TBC1D5: variants seen among roughly 807,000 people sequenced by gnomAD.
TBC1D5 encodes the protein TBC1 domain family, member 5.
A neutral mutation model predicts 100.3 loss-of-function variants in TBC1D5; 75 were observed. That is an observed-to-expected ratio of 0.75 (90% CI 0.62 to 0.91). TBC1D5 has a LOEUF of 0.91. Among genes scored for constraint, TBC1D5 ranks in the 40% least tolerant of loss-of-function variants. TBC1D5 has a pLI of 0.00. For synonymous variants in TBC1D5, 323 were observed against 325.6 expected (o/e 0.99, Z 0.09); for missense variants, 910 against 942.4 (o/e 0.97, Z 0.45).
At chr3:17,389,095 CTTTT>C (rs1222077527) in intron 8 of TBC1D5, among the ~76,000 whole-genome samples, 1 of 152,046 alleles carries the variant, frequency 6.6e-6, no homozygotes. Flanking sequence ...TCCTTCTTCT[CTTTT>C]TTATCTTGTA....
At chr3:17,299,203 G>A (rs970889902) in intron 14 of TBC1D5, among the ~76,000 whole-genome samples, 2 of 152,168 alleles carry the variant, frequency 1.3e-5, no homozygotes, top group African/African-American at 4.8e-5. Context: ...GTGGCTAAAT[G>A]GGCAGGCAGC....
intron 2 of TBC1D5, among the ~76,000 whole-genome samples, chr3:17,512,763 TA>T (rs2095928266): frequency 6.6e-6 from 1 of 152,232 alleles, no homozygotes. Context: ...AAGTCGTAAC[TA>T]ATTTTACAAT....
chr3:17,197,873 C>CA (rs2070919986), intron 18 of TBC1D5, among the ~76,000 whole-genome samples: 1 of 151,992 alleles, frequency 6.6e-6, no homozygotes, highest in African/African-American at 2.4e-5. Flanking sequence ...CCCATGTCTA[C>CA]AAAAAATACA....
intron 3 of TBC1D5, among the ~76,000 whole-genome samples, chr3:17,446,753 C>T (rs1271322173): frequency 2.6e-5 from 4 of 152,290 alleles, no homozygotes; most frequent in East Asian, 1.9e-4. Context: ...GGGTGGATCA[C>T]GACGTCAGGA....
At chr3:17,229,533 G>A (rs964592469) in intron 17 of TBC1D5, among the ~76,000 whole-genome samples, 1 of 152,138 alleles carries the variant, frequency 6.6e-6, no homozygotes, top group Non-Finnish European at 1.5e-5. Context: ...ATTTGATTCT[G>A]AGATTCAGAG....
At chr3:17,582,024 T>G (rs1028493164) in intron 2 of TBC1D5, among the ~76,000 whole-genome samples, 1 of 152,200 alleles carries the variant, frequency 6.6e-6, no homozygotes, top group Non-Finnish European at 1.5e-5. Context: ...GACCACTCTA[T>G]CTAAAATTTC....
At chr3:17,533,490 A>T (rs1048643354) in intron 2 of TBC1D5, among the ~76,000 whole-genome samples, 1 of 152,166 alleles carries the variant, frequency 6.6e-6, no homozygotes, top group Non-Finnish European at 1.5e-5. Flanking sequence ...TCTTGGCACC[A>T]ACTCAAACAA....
At chr3:17,308,390 T>G (rs1307937977) in intron 13 of TBC1D5, among the ~76,000 whole-genome samples, 1 of 152,116 alleles carries the variant, frequency 6.6e-6, no homozygotes, top group Non-Finnish European at 1.5e-5. Context: ...ATCTTTCATA[T>G]TTAATAGAAA....
At chr3:17,653,040 G>A (rs528114617) in intron 1 of TBC1D5, among the ~76,000 whole-genome samples, 6 of 152,238 alleles carry the variant, frequency 3.9e-5, no homozygotes, top group African/African-American at 1.4e-4. Context: ...AGTGAACGAA[G>A]ATAGACACAA....
exon 5 of TBC1D5, chr3:17,406,463 A>G (rs2093772788): frequency 1.9e-6 from 3 of 1,611,842 alleles, no homozygotes; most frequent in East Asian, 4.5e-5. Flanking sequence ...GCTGCCCATT[A>G]ATCCCCTTCT....
At chr3:17,587,608 T>G (rs1054855355) in intron 2 of TBC1D5, among the ~76,000 whole-genome samples, 1 of 152,076 alleles carries the variant, frequency 6.6e-6, no homozygotes, top group African/African-American at 2.4e-5. Context: ...CAATTCATGT[T>G]TTATTTGTAT....
At chr3:17,416,911 TA>T (rs1284299532) in intron 4 of TBC1D5, among the ~76,000 whole-genome samples, 15 of 152,144 alleles carry the variant, frequency 9.9e-5, no homozygotes, top group African/African-American at 3.6e-4. Context: ...TCATATTCAG[TA>T]ACAGGCTGGC....
intron 2 of TBC1D5, among the ~76,000 whole-genome samples, chr3:17,601,016 G>C (rs909323878): frequency 1.3e-5 from 2 of 152,144 alleles, no homozygotes; most frequent in Non-Finnish European, 2.9e-5. Flanking sequence ...TAGAATAATA[G>C]CCTTCCCAGT....
chr3:17,511,735 C>A (rs2095910063), intron 2 of TBC1D5, among the ~76,000 whole-genome samples: 1 of 151,878 alleles, frequency 6.6e-6, no homozygotes, highest in Non-Finnish European at 1.5e-5. Context: ...ATCCAATAGC[C>A]AGAATACAAA....
In TBC1D5 at chr3:17,376,442, T is replaced by G. The variant is rs190712208; in HGVS notation, c.701+83A>C. ...TGTACAGCTTGTAAGTACCTTCCAT[T>G]TAGAAGATTTTGAGGTTTCAAAAAC... On this transcript the variant is annotated intron_variant, in intron 10 of 21. Transcript: ENST00000253692. 1.0e-3 allele frequency: 1,169 copies of G among 1,159,520 alleles called. 11 individuals are homozygous for G. The highest frequency in any genetic ancestry group is 8.1e-5 in the Non-Finnish European group (65 of 803,304). 71.8% of individuals were successfully genotyped at this position (1,159,520 alleles called of 1,614,324 possible). A position where few individuals can be genotyped will look rare whatever the true frequency, so the allele number is the denominator to read the frequency against.
At chr3:17,618,293 G>T (rs557487018) in intron 2 of TBC1D5, among the ~76,000 whole-genome samples, 1 of 152,246 alleles carries the variant, frequency 6.6e-6, no homozygotes, top group Admixed American at 6.5e-5. Context: ...AGGGGCACCC[G>T]CCTGTATGAG....
At chr3:17,406,619 A>C in intron 4 of TBC1D5, 93 bp from the exon 5 acceptor site, 1 of 1,121,034 alleles carries the variant, frequency 8.9e-7, no homozygotes, top group South Asian at 1.5e-5. Context: ...AAGTAAGTCT[A>C]AAAAATGCAA....
chr3:17,341,038 T>C (rs2088817907), intron 13 of TBC1D5, among the ~76,000 whole-genome samples: 1 of 152,216 alleles, frequency 6.6e-6, no homozygotes, highest in Non-Finnish European at 1.5e-5. Context: ...ACTGTGATAA[T>C]TTTATTTTTA....
At chr3:17,567,106 A>G (rs1229643392) in intron 2 of TBC1D5, among the ~76,000 whole-genome samples, 1 of 151,810 alleles carries the variant, frequency 6.6e-6, no homozygotes, top group South Asian at 2.1e-4. Context: ...ACTAAACTTC[A>G]TACCAATTAT....
Sources: allele counts gnomAD v4.1 joint callset (sites outside exome capture counted in the v4.1 genomes callset), GRCh38; gene constraint gnomAD v4.1.1; transcripts MANE v1.5; gene names NCBI Gene and HGNC (gene_info 2026-07-23, HGNC 2026-07-21).